The following SLC36A4 variants were observed in gnomAD, a reference collection of about 807,000 sequenced individuals.
SLC36A4 encodes the protein solute carrier family 36 member 4.
In SLC36A4, 49 loss-of-function variants were observed where a neutral mutation model predicts 50.5. The ratio of observed to expected loss-of-function variants is 0.97; its 90% CI spans 0.77 to 1.23. SLC36A4 has a LOEUF of 1.23. SLC36A4 is among the 50% of genes most tolerant of loss of function. The probability of loss-of-function intolerance (pLI) is 0.00; values close to 1 mark genes in which losing one functional copy is unlikely to be tolerated. For synonymous variants in SLC36A4, 207 were observed against 206.5 expected, an observed-to-expected ratio of 1.00 and a Z score of -0.02; for missense variants, 611 against 608.4, an observed-to-expected ratio of 1.00 and a Z score of -0.05.
At chr11:93,183,151 A>T (rs1248488657) in intron 3 of SLC36A4, among the ~76,000 whole-genome samples, 1 of 152,222 alleles carries the variant, frequency 6.6e-6, no homozygotes, top group Admixed American at 6.5e-5. Context: ...ACAAAGTAGG[A>T]TAGAACACAA....
In SLC36A4 at chr11:93,165,913, C is replaced by T; in HGVS notation, c.867+5G>A. ...AAAAAATAATAATAAAGACTAAATT[C>T]TTACCACTCCTATGCCTTCAAAAGC... On this transcript the variant is annotated splice_donor_5th_base_variant and intron_variant, in intron 8 of 10. Transcript: ENST00000326402. 1 of 1,557,240 alleles carries T rather than the reference C, an allele frequency of 6.4e-7. No individual in the cohort carries two copies. Among genetic ancestry groups the T allele is most frequent in the East Asian group, 2.3e-5 (1 of 44,332 alleles).
At chr11:93,179,144 G>A (rs1056998518) in intron 6 of SLC36A4, among the ~76,000 whole-genome samples, 2 of 152,164 alleles carry the variant, frequency 1.3e-5, no homozygotes, top group African/African-American at 4.8e-5. Flanking sequence ...TTTCAGTCCA[G>A]AAAGTTTTAC....
At chr11:93,194,159 G>A (rs1443471920) in intron 1 of SLC36A4, among the ~76,000 whole-genome samples, 1 of 151,992 alleles carries the variant, frequency 6.6e-6, no homozygotes, top group Non-Finnish European at 1.5e-5. Context: ...AAGTTTACCA[G>A]AATATAGACG....
rs775840497 is a variant in SLC36A4, at chr11:93,168,032, C to G, written c.680G>C (p.Arg227Pro). Reference protein sequence around the residue: ...LPFIILLVFIRELKNLFVLSF... With the variant: ...LPFIILLVFIPELKNLFVLSF... Reference sequence around the variant, plus strand: ...AAGTACAAATAGATTCTTTAGTTCACGAATGAAGACCAAAAGAATTATAAA... The same window carrying G: ...AAGTACAAATAGATTCTTTAGTTCAGGAATGAAGACCAAAAGAATTATAAA... The change falls in exon 7 of 11, where the codon CGT (arginine) becomes CCT (proline). Residue 227 changes from arginine to proline, a missense_variant. Arg to Pro is a moderately radical substitution (Grantham distance 103). Transcript: ENST00000326402. The G allele has an allele frequency of 2.7e-5, 44 of 1,611,846 alleles. No individual in the cohort carries two copies. The highest frequency in any genetic ancestry group is 5.0e-5 in the Admixed American group (3 of 59,806).
At chr11:93,197,746 G>T in intron 1 of SLC36A4, 32 bp downstream of exon 1, 1 of 1,581,612 alleles carries the variant, frequency 6.3e-7, no homozygotes, top group African/African-American at 1.4e-5. Flanking sequence ...GCCCACGTCA[G>T]CCCCGGCTCC....
chr11:93,195,834 CTTTTCAATAAG>C (rs775829932), intron 1 of SLC36A4, among the ~76,000 whole-genome samples: 117 of 152,066 alleles, frequency 7.7e-4, no homozygotes, highest in Admixed American at 1.6e-3. Flanking sequence ...CAAATTGTAC[CTTTTCAATAAG>C]GCCCATCCCA....
rs771226969 is a variant in SLC36A4 at position 93,185,671 on chromosome 11, T to C, written c.179+20A>G. Reference sequence around the variant, plus strand: ...ATACTGAATTAAAAGAAAAGGAGACTTATAAACCATAACACTTACGAAATG... The same window carrying C: ...ATACTGAATTAAAAGAAAAGGAGACCTATAAACCATAACACTTACGAAATG... On this transcript the variant is annotated intron_variant, in intron 2 of 10. Transcript: ENST00000326402. 12 of 1,560,632 alleles carry C rather than the reference T, an allele frequency of 7.7e-6. No individual in the cohort carries two copies. In the Admixed American group the frequency reaches 2.6e-4, roughly 34 times the overall value.
chr11:93,157,409 C>T (rs1416973347), intron 9 of SLC36A4, among the ~76,000 whole-genome samples: 1 of 152,136 alleles, frequency 6.6e-6, no homozygotes, highest in East Asian at 1.9e-4. Flanking sequence ...ATAGGAATAG[C>T]ATTAAAACTA....
intron 10 of SLC36A4, among the ~76,000 whole-genome samples, chr11:93,150,874 C>A (rs1440094738): frequency 4.6e-5 from 7 of 151,984 alleles, no homozygotes; most frequent in African/African-American, 1.7e-4. Flanking sequence ...ATCTTGCCAC[C>A]TGAAGAGGCT....
chr11:93,166,286 A>G, intron 7 of SLC36A4: 1 of 1,161,262 alleles, frequency 8.6e-7, no homozygotes, highest in African/African-American at 1.6e-5. Context: ...TGCAAGTCCC[A>G]GGCTGTGAAC....
intron 6 of SLC36A4, among the ~76,000 whole-genome samples, chr11:93,176,194 A>G (rs1047706170): frequency 3.3e-5 from 5 of 152,052 alleles, no homozygotes; most frequent in African/African-American, 1.2e-4. Context: ...TCCATTTACC[A>G]CTATGTAATG....
At chr11:93,158,012 A>G (rs1860444344) in intron 9 of SLC36A4, among the ~76,000 whole-genome samples, 1 of 152,242 alleles carries the variant, frequency 6.6e-6, no homozygotes, top group African/African-American at 2.4e-5. Flanking sequence ...TTATCATACA[A>G]GAGTAAGAAG....
intron 6 of SLC36A4, among the ~76,000 whole-genome samples, chr11:93,176,165 G>C (rs1861460234): frequency 6.6e-6 from 1 of 151,830 alleles, no homozygotes; most frequent in Non-Finnish European, 1.5e-5. Context: ...AGGATAGTTA[G>C]CTCTTCTTGT....
intron 3 of SLC36A4, among the ~76,000 whole-genome samples, chr11:93,183,137 G>A (rs1423857666): frequency 6.6e-6 from 1 of 152,102 alleles, no homozygotes; most frequent in Non-Finnish European, 1.5e-5. Context: ...ATGGAGTATA[G>A]ACAACAAAGT....
intron 6 of SLC36A4, chr11:93,171,027 G>C (rs1200035904): frequency 6.6e-6 from 1 of 151,942 alleles, no homozygotes; most frequent in Non-Finnish European, 1.5e-5. Flanking sequence ...ATTGTATAAT[G>C]CTATCAAATG....
intron 7 of SLC36A4, chr11:93,166,252 T>G (rs1860858283): frequency 8.2e-7 from 1 of 1,219,842 alleles, no homozygotes; most frequent in African/African-American, 1.5e-5. Context: ...CTGAGCAAAA[T>G]GCTCCTGATT....
intron 9 of SLC36A4, chr11:93,160,925 CA>C: frequency 4.0e-6 from 1 of 249,198 alleles, no homozygotes; most frequent in African/African-American, 2.3e-5. Context: ...ACTGTATAAT[CA>C]ACCTCCCAGG....
intron 8 of SLC36A4, among the ~76,000 whole-genome samples, chr11:93,165,476 T>A (rs894069595): frequency 2.6e-5 from 4 of 152,182 alleles, no homozygotes; most frequent in Non-Finnish European, 4.4e-5. Context: ...CTGCAACTAT[T>A]CTGATTACCT....
At chr11:93,194,403 C>A (rs1862337149) in intron 1 of SLC36A4, among the ~76,000 whole-genome samples, 1 of 151,876 alleles carries the variant, frequency 6.6e-6, no homozygotes. Flanking sequence ...AAAATAAGAA[C>A]CATTACTATT....
Sources: gnomAD v4.1 joint callset for allele counts (sites outside exome capture counted in the v4.1 genomes callset) on GRCh38, gnomAD v4.1.1 for gene constraint, MANE v1.5 for transcripts, NCBI Gene and HGNC (gene_info 2026-07-23, HGNC 2026-07-21) for gene names.